The following FANCD2 variants were observed in gnomAD, a reference collection of about 807,000 sequenced individuals.
The protein encoded by FANCD2 is Fanconi anemia group D2 protein.
FANCD2 carries 131 observed loss-of-function variants against 192.3 expected under a neutral mutation model. That is an observed-to-expected ratio of 0.68 (90% confidence interval 0.59 to 0.79). The LOEUF is 0.79. Ranked by LOEUF, FANCD2 falls within the 30% of genes least tolerant of loss-of-function variation. The pLI, the probability that FANCD2 is intolerant of heterozygous loss-of-function variation, is 0.00. For synonymous variants in FANCD2, 524 were observed against 612.5 expected, an observed-to-expected ratio of 0.86 and a Z score of 2.13; for missense variants, 1,508 against 1,701.6, an observed-to-expected ratio of 0.89 and a Z score of 2.00.
rs995972011 is a variant in FANCD2 at position 10,096,392 on chromosome 3, T to G, written c.4105T>G (p.Cys1369Gly). 2 of 1,614,052 alleles carry G rather than the reference T, an allele frequency of 1.2e-6. No homozygotes were observed. Among genetic ancestry groups the G allele is most frequent in the Non-Finnish European group, 8.5e-7 (1 of 1,180,002 alleles). The change falls in exon 42 of 44, where the codon TGC (cysteine) becomes GGC (glycine). Residue 1369 changes from cysteine to glycine, a missense_variant. Around this residue, in one of 5 missense-constraint regions of FANCD2, gnomAD observed 796 missense variants for 879.4 expected, o/e 0.91. Transcript: ENST00000675286. ...LLKKTLELLV[C>G]RVKAMLTLNN... is the part of the protein sequence containing the mutation. The stretch of plus-strand genomic sequence containing the variant: ...CAAAAAGACCCTGGAACTTTTAGTT[T>G]GCAGAGTCAAAGCTATGCTCACTCT...
Position 10,052,388 on chromosome 3 carries a change from G to A in FANCD2, c.1547G>A (p.Gly516Asp), listed in dbSNP as rs2087243740. The A allele has an allele frequency of 1.3e-6, 2 of 1,592,380 alleles. No homozygotes were observed. Among genetic ancestry groups the A allele is most frequent in the South Asian group, 2.2e-5 (2 of 90,614 alleles). The change falls in exon 18 of 44, where the codon GGC (glycine) becomes GAC (aspartate). Residue 516 changes from glycine (G) to aspartate (D), a missense_variant and splice_region_variant. By Grantham distance (94) the Gly-to-Asp change is moderately conservative. Around this residue, in one of 5 missense-constraint regions of FANCD2, gnomAD observed 110 missense variants for 114.4 expected, o/e 0.96. Transcript: ENST00000675286. ...TTGTTGGCATCATTTTTTCCACAGG[G>A]CATTTTAGATTATCTGGATAACATA... Reference protein sequence around the residue: ...AMMMNAVFVKGILDYLDNISP... With the variant: ...AMMMNAVFVKDILDYLDNISP...
At chr3:10,091,793 A>G (rs1224226058) in intron 37 of FANCD2, among the ~76,000 whole-genome samples, 1 of 152,200 alleles carries the variant, frequency 6.6e-6, no homozygotes, top group Non-Finnish European at 1.5e-5. Flanking sequence ...GACCCAAGAC[A>G]TAGAAGAATC....
rs1246470195 is a variant in FANCD2, at chr3:10,042,603, G to A, written c.828G>A (p.Glu276=). 2 of 1,614,042 alleles carry A rather than the reference G, an allele frequency of 1.2e-6. No homozygotes were observed. Among genetic ancestry groups the A allele is most frequent in the Admixed American group, 3.3e-5 (2 of 60,006 alleles). ...VMDKLSSIRL[E]DLPVIIKFIL... is the part of the protein sequence containing the mutation. The stretch of plus-strand genomic sequence containing the variant: ...ATAAGTTGTCGTCTATTAGATTGGA[G>A]GATTTACCTGTGATAATAAAGTTCA... Residue 276 remains glutamate, a synonymous_variant, in exon 11 of 44, where the codon GAG becomes GAA. Coordinates refer to ENST00000675286, the MANE Select transcript of FANCD2 (RefSeq NM_001018115.3).
intron 17 of FANCD2, among the ~76,000 whole-genome samples, chr3:10,051,414 G>GA (rs1491368987): frequency 2.1e-5 from 1 of 47,984 alleles, no homozygotes; most frequent in East Asian, 4.2e-4. Flanking sequence ...AAAACAAAAA[G>GA]GAGTGAGGGA....
chr3:10,090,403 CA>C lies in FANCD2; in HGVS notation c.3777+19del. The C allele has an allele frequency of 1.4e-6, 2 of 1,409,020 alleles. No homozygotes were observed. Among genetic ancestry groups the C allele is most frequent in the Non-Finnish European group, 2.0e-6 (2 of 1,006,620 alleles). 87.3% of individuals were successfully genotyped at this position (1,409,020 alleles called of 1,614,324 possible). A position where few individuals can be genotyped will look rare whatever the true frequency, so the allele number is the denominator to read the frequency against. On this transcript the variant is annotated intron_variant, in intron 37 of 43. Coordinates refer to ENST00000675286, the MANE Select transcript of FANCD2 (RefSeq NM_001018115.3). ...CGCAGCAGGTGAGTAAGATAATAGT[CA>C]CTTCAAGAAGTGGACTTTGGATTAC...
chr3:10,029,298 A>T (rs1448327569), intron 2 of FANCD2, among the ~76,000 whole-genome samples: 1 of 152,162 alleles, frequency 6.6e-6, no homozygotes, highest in African/African-American at 2.4e-5. Flanking sequence ...CTAGGAGTTC[A>T]AGACCAGCCT....
intron 23 of FANCD2, 96 bp from the exon 24 acceptor site, chr3:10,065,298 A>G: frequency 1.1e-6 from 1 of 874,042 alleles, no homozygotes; most frequent in South Asian, 1.3e-5. Context: ...CAAAAAAAGA[A>G]GTTGTGTTCC....
intron 17 of FANCD2, among the ~76,000 whole-genome samples, chr3:10,051,418 T>TAAAAAA (rs1559381216): frequency 3.1e-4 from 8 of 25,782 alleles, no homozygotes; most frequent in South Asian, 1.7e-3. Flanking sequence ...CAAAAAGGAG[T>TAAAAAA]GAGGGATTTA....
chr3:10,036,086 C>CTTTTTTTTCTTTTTTTTTT (rs2086722024), intron 6 of FANCD2, among the ~76,000 whole-genome samples: 1 of 102,602 alleles, frequency 9.7e-6, no homozygotes, highest in African/African-American at 4.2e-5. Flanking sequence ...TTATACATTT[C>CTTTTTTTTCTTTTTTTTTT]TTTTTTTTTT....
chr3:10,078,021 A>G (rs760042942), intron 29 of FANCD2, 60 bp from the exon 30 acceptor site: 108 of 1,244,520 alleles, frequency 8.7e-5, no homozygotes, highest in Non-Finnish European at 1.1e-4. Context: ...AAGAAAGAAA[A>G]AAAATTATCA....
At chr3:10,057,270 A>G (rs1229550913) in intron 18 of FANCD2, among the ~76,000 whole-genome samples, 9 of 152,122 alleles carry the variant, frequency 5.9e-5, no homozygotes, top group African/African-American at 1.4e-4. Context: ...CTCCCATTCT[A>G]TGGGTTTTCA....
At chr3:10,066,991 C>G (rs1192174375) in intron 25 of FANCD2, among the ~76,000 whole-genome samples, 1 of 152,184 alleles carries the variant, frequency 6.6e-6, no homozygotes, top group African/African-American at 2.4e-5. Flanking sequence ...TCCCAAAGTG[C>G]TGGGATTACA....
At chr3:10,040,436 T>C in intron 9 of FANCD2, 1 of 454,142 alleles carries the variant, frequency 2.2e-6, no homozygotes, top group Non-Finnish European at 4.4e-6. Context: ...CCATGATCCC[T>C]TAAGTTTCAT....
intron 17 of FANCD2, 59 bp from the exon 18 acceptor site, chr3:10,052,328 G>C (rs894304023): frequency 5.2e-6 from 6 of 1,146,670 alleles, no homozygotes; most frequent in Non-Finnish European, 6.6e-6. Context: ...TTAATTTTTT[G>C]AATTTTAAGG....
rs1009508062 is a variant in FANCD2, at chr3:10,032,968, A to C, written c.201A>C (p.Gln67His). 2.5e-6 allele frequency: 4 copies of C among 1,570,356 alleles called. No individual in the cohort carries two copies. The highest frequency in any genetic ancestry group is 2.6e-6 in the Non-Finnish European group (3 of 1,140,634). Residue 67 changes from glutamine (Q) to histidine (H), a missense_variant, in exon 3 of 44, where the codon CAA (glutamine) becomes CAC (histidine). Physicochemically the swap from Gln to His is conservative, Grantham distance 24. This residue lies in a region of FANCD2 where 435 missense variants were observed against 421.9 expected (regional missense o/e 1.03). Transcript: ENST00000675286. ...TTAAAACGGGAGAGAGTCAGAATCA[A>C]CTAGGTAATATTTTAATCTAATTTT... ...IILKTGESQN[Q>H]LAVDQIAFQK... is the part of the protein sequence containing the mutation.
chr3:10,033,612 T>C (rs954451442), intron 3 of FANCD2, among the ~76,000 whole-genome samples: 1 of 151,628 alleles, frequency 6.6e-6, no homozygotes, highest in Non-Finnish European at 1.5e-5. Flanking sequence ...AGATTCTGTT[T>C]TGGGGGAGCA....
At chr3:10,055,435 C>A (rs892310820) in intron 18 of FANCD2, among the ~76,000 whole-genome samples, 3 of 152,088 alleles carry the variant, frequency 2.0e-5, no homozygotes, top group African/African-American at 7.2e-5. Context: ...TTTTGCGTCT[C>A]GCTTATTTCA....
chr3:10,041,792 G>C, intron 10 of FANCD2, 82 bp downstream of exon 10: 1 of 860,744 alleles, frequency 1.2e-6, no homozygotes, highest in Non-Finnish European at 2.0e-6. Context: ...TGCCTTGGGA[G>C]TAATGAATAT....
intron 30 of FANCD2, among the ~76,000 whole-genome samples, chr3:10,079,492 G>T (rs1367726429): frequency 1.3e-5 from 2 of 152,040 alleles, no homozygotes; most frequent in Admixed American, 6.5e-5. Flanking sequence ...TTTTAGTAGA[G>T]ATGGGGTTTT....
Sources: gnomAD v4.1 joint callset for allele counts (sites outside exome capture counted in the v4.1 genomes callset) on GRCh38, gnomAD v4.1.1 for gene constraint, gnomAD v4.1.1 regional missense constraint, MANE v1.5 for transcripts, NCBI Gene and HGNC (gene_info 2026-07-23, HGNC 2026-07-21) for gene names.